Variants in MSRA observed in about 807,000 individuals in gnomAD.
MSRA encodes the protein mitochondrial peptide methionine sulfoxide reductase.
In MSRA, 54 loss-of-function variants were observed where a neutral mutation model predicts 31.3. The observed-to-expected ratio is 1.73, with a 90% CI of 1.39 to 2.17. MSRA has a LOEUF of 2.17. Among genes scored for constraint, MSRA ranks in the 30% most tolerant of loss-of-function variants. The pLI is 0.00. For missense variants in MSRA, 507 were observed against 300.9 expected (o/e 1.69, Z -5.07); for synonymous variants, 169 against 116.5 (o/e 1.45, Z -2.90).
At chr8:10,314,322 AT>A (rs895579215) in intron 4 of MSRA, among the ~76,000 whole-genome samples, 15 of 151,450 alleles carry the variant, frequency 9.9e-5, no homozygotes, top group South Asian at 2.1e-4. Flanking sequence ...TATGTGCAGT[AT>A]TTTTTTTTAG....
At position 10,319,896 on chromosome 8, in the gene MSRA, G is replaced by T. The variant is rs1310311884; in HGVS notation, c.450G>T (p.Gly150=). 2 of 1,555,708 alleles carry T rather than the reference G, an allele frequency of 1.3e-6. No individual in the cohort carries two copies. The highest frequency in any genetic ancestry group is 1.3e-5 in the South Asian group (1 of 79,672). The change falls in exon 5 of 6, where the codon GGG becomes GGT. Residue 150 remains glycine, a synonymous_variant. Coordinates refer to ENST00000317173, the MANE Select transcript of MSRA (RefSeq NM_012331.5). ...NHDPTQGMRQ[G]NDHGTQYRSA... ...CTGCTTTCCTAGGTATGCGCCAGGG[G>T]AACGACCATGGCACTCAGTACCGCT...
chr8:10,102,398 C>T (rs764946838), intron 1 of MSRA, among the ~76,000 whole-genome samples: 2 of 152,172 alleles, frequency 1.3e-5, no homozygotes, highest in Non-Finnish European at 2.9e-5. Flanking sequence ...ATTCTTTTCT[C>T]TGTCATCTTC....
chr8:10,224,246 A>G lies in MSRA; in HGVS notation c.211+16345A>G, dbSNP rs1585209540. Reference sequence around the variant, plus strand: ...CTATAAACCAGATTAAGAAAATTACACTTTTTACAAAGGGCGTGAAGAACT... The same window carrying G: ...CTATAAACCAGATTAAGAAAATTACGCTTTTTACAAAGGGCGTGAAGAACT... On this transcript the variant is annotated intron_variant, in intron 2 of 5. Transcript: ENST00000317173. Among the ~76,000 whole-genome samples, 3 of 152,118 alleles carry G rather than the reference A, an allele frequency of 2.0e-5. No homozygotes were observed. The South Asian group carries it at 6.2e-4, about 32-fold the overall frequency.
At chr8:10,204,365 G>A (rs984294153) in intron 1 of MSRA, among the ~76,000 whole-genome samples, 47 of 152,190 alleles carry the variant, frequency 3.1e-4, no homozygotes, top group African/African-American at 1.1e-3. Context: ...CTTACCCAGA[G>A]CAGCTTCCAG....
chr8:10,314,299 A>G (rs1257922653), intron 4 of MSRA, among the ~76,000 whole-genome samples: 3 of 152,250 alleles, frequency 2.0e-5, no homozygotes, highest in Non-Finnish European at 4.4e-5. Flanking sequence ...TATATAAAAA[A>G]TAGACTTAAA....
chr8:10,186,402 A>G (rs530703321), intron 1 of MSRA, among the ~76,000 whole-genome samples: 12 of 152,276 alleles, frequency 7.9e-5, no homozygotes, highest in Admixed American at 3.3e-4. Context: ...TGTTCCCATT[A>G]AATTTTATTT....
intron 1 of MSRA, among the ~76,000 whole-genome samples, chr8:10,150,667 T>C (rs1803586804): frequency 6.6e-6 from 1 of 152,118 alleles, no homozygotes; most frequent in Non-Finnish European, 1.5e-5. Flanking sequence ...GTGGGTTTGT[T>C]TTTCTGTCTG....
At chr8:10,260,552 G>A (rs183552374) in intron 3 of MSRA, among the ~76,000 whole-genome samples, 236 of 152,302 alleles carry the variant, frequency 1.5e-3, no homozygotes, top group African/African-American at 5.5e-3. Context: ...ACAAGTCATT[G>A]CATAAATTGG....
chr8:10,284,479 C>G (rs1024651006), intron 3 of MSRA, among the ~76,000 whole-genome samples: 6 of 152,184 alleles, frequency 3.9e-5, no homozygotes, highest in Non-Finnish European at 8.8e-5. Context: ...CAGGCATGAG[C>G]CAACATGCCC....
intron 1 of MSRA, among the ~76,000 whole-genome samples, chr8:10,092,667 G>T (rs1173402768): frequency 6.7e-6 from 1 of 149,176 alleles, no homozygotes; most frequent in East Asian, 1.9e-4. Flanking sequence ...TTCTGCTCTT[G>T]TTGGGTAGAT....
At chr8:10,292,649 T>C (rs1282370217) in intron 3 of MSRA, among the ~76,000 whole-genome samples, 1 of 152,218 alleles carries the variant, frequency 6.6e-6, no homozygotes, top group Non-Finnish European at 1.5e-5. Context: ...GCTCTCTCCC[T>C]GCACAGCGCC....
At chr8:10,163,251 A>G (rs1804822206) in intron 1 of MSRA, among the ~76,000 whole-genome samples, 1 of 152,328 alleles carries the variant, frequency 6.6e-6, no homozygotes, top group African/African-American at 2.4e-5. Flanking sequence ...GCAGTTCGTT[A>G]TAGCAGCCCC....
intron 1 of MSRA, among the ~76,000 whole-genome samples, chr8:10,202,582 G>C (rs928988419): frequency 1.3e-5 from 2 of 152,198 alleles, no homozygotes; most frequent in African/African-American, 4.8e-5. Flanking sequence ...AAAAGATTCT[G>C]TGGGCACATT....
chr8:10,283,606 C>G (rs962669813), intron 3 of MSRA, among the ~76,000 whole-genome samples: 3 of 151,308 alleles, frequency 2.0e-5, no homozygotes, highest in Non-Finnish European at 4.4e-5. Flanking sequence ...CTCTTTCCCC[C>G]TGAGTCCCCA....
chr8:10,173,436 G>A (rs1042742400), intron 1 of MSRA, among the ~76,000 whole-genome samples: 11 of 152,226 alleles, frequency 7.2e-5, no homozygotes, highest in East Asian at 3.8e-4. Context: ...GAGAGGGCTC[G>A]TGTTTCAATA....
At chr8:10,302,564 T>C (rs771231944) in intron 4 of MSRA, among the ~76,000 whole-genome samples, 5 of 152,258 alleles carry the variant, frequency 3.3e-5, no homozygotes, top group Non-Finnish European at 7.3e-5. Flanking sequence ...CATATGCCTG[T>C]AGCAGCACAG....
intron 3 of MSRA, among the ~76,000 whole-genome samples, chr8:10,258,635 AG>A (rs1319373487): frequency 6.6e-6 from 1 of 152,174 alleles, no homozygotes. Context: ...TGATTATATG[AG>A]GAGTTGGAGA....
intron 1 of MSRA, among the ~76,000 whole-genome samples, chr8:10,062,262 C>T (rs1483915009): frequency 6.6e-6 from 1 of 152,172 alleles, no homozygotes; most frequent in African/African-American, 2.4e-5. Context: ...GCCCTGCCCT[C>T]CTGTTTCAGC....
At chr8:10,278,663 C>A (rs998667174) in intron 3 of MSRA, among the ~76,000 whole-genome samples, 1 of 152,178 alleles carries the variant, frequency 6.6e-6, no homozygotes, top group African/African-American at 2.4e-5. Context: ...TGTGAGAGAA[C>A]CTAGGAAATG....
Sources: allele counts gnomAD v4.1 joint callset (sites outside exome capture counted in the v4.1 genomes callset), GRCh38; gene constraint gnomAD v4.1.1; transcripts MANE v1.5; gene names NCBI Gene and HGNC (gene_info 2026-07-23, HGNC 2026-07-21).